The following ZFP90 variants were observed in gnomAD, a reference collection of about 807,000 sequenced individuals.
ZFP90 encodes zinc finger protein 90 homolog.
ZFP90 carries 38 observed loss-of-function variants against 60.8 expected under a neutral mutation model. That is an observed-to-expected ratio of 0.62 (90% CI 0.48 to 0.82). ZFP90 has a LOEUF of 0.82. Ranked by LOEUF, ZFP90 falls within the 40% of genes least tolerant of loss-of-function variation. The pLI is 0.00. For synonymous variants in ZFP90, 287 were observed against 264.8 expected (o/e 1.08, Z -0.82); for missense variants, 711 against 759.1 (o/e 0.94, Z 0.74).
intron 3 of ZFP90, 167 bp from the exon 4 acceptor site, chr16:68,558,306 A>AT: frequency 8.5e-7 from 1 of 1,170,706 alleles, no homozygotes; most frequent in Non-Finnish European, 1.2e-6. Flanking sequence ...AAAGGTCTTT[A>AT]TTTTGCAAAA....
chr16:68,543,187 G>T (rs1038958304), intron 2 of ZFP90, among the ~76,000 whole-genome samples: 1 of 151,942 alleles, frequency 6.6e-6, no homozygotes, highest in Non-Finnish European at 1.5e-5. Context: ...CAGCCTAGCG[G>T]CAAGATGTAT....
chr16:68,568,063 A>G (rs2091547774), downstream of ZFP90, among the ~76,000 whole-genome samples: 1 of 152,164 alleles, frequency 6.6e-6, no homozygotes. Context: ...CTCCCTTTTA[A>G]AAATTTTCAT....
rs145816687 is a variant in ZFP90, at chr16:68,546,542, A to G, written c.33+6717A>G. On this transcript the variant is annotated intron_variant, in intron 2 of 4. Coordinates refer to ENST00000563169, the MANE Select transcript of ZFP90 (RefSeq NM_001305203.2). ...TTTGTTTTGTTTTTTATTAAGACGG[A>G]TTCTTGCTCTGTCACCCAGGCTGGA... Among the ~76,000 whole-genome samples the G allele has an allele frequency of 9.8e-5, 15 of 152,290 alleles. No homozygotes were observed. In the East Asian group the frequency reaches 2.9e-3, roughly 29 times the overall value.
downstream of ZFP90, among the ~76,000 whole-genome samples, chr16:68,571,087 C>T (rs990225206): frequency 6.6e-6 from 1 of 152,180 alleles, no homozygotes; most frequent in Admixed American, 6.5e-5. Context: ...CCATCAGAAC[C>T]AGGGCTTGTA....
rs140288957 is a variant in ZFP90 at position 68,565,951 on chromosome 16, C to T, written c.*1253C>T. ...ACCAGCCTGGACAACATGGTGAAACCCCATCTCTTTAAAAAAAAAAAAAAA... is the reference window on the plus strand; with the variant it reads ...ACCAGCCTGGACAACATGGTGAAACTCCATCTCTTTAAAAAAAAAAAAAAA... On this transcript the variant is annotated 3_prime_UTR_variant, in exon 5 of 5. Transcript: ENST00000563169. 199 of 788,854 alleles carry T rather than the reference C, an allele frequency of 2.5e-4. No homozygotes were observed. The African/African-American group carries it at 3.6e-3, about 14-fold the overall frequency. The allele number at this position is 788,854 out of a possible 1,614,324, so 48.9% of individuals were successfully genotyped here.
downstream of ZFP90, among the ~76,000 whole-genome samples, chr16:68,567,927 G>A (rs2091546917): frequency 6.6e-6 from 1 of 152,162 alleles, no homozygotes; most frequent in Admixed American, 6.5e-5. Context: ...TCACTTTGCA[G>A]TATTCTGACT....
downstream of ZFP90, among the ~76,000 whole-genome samples, chr16:68,570,658 C>G (rs79503562): frequency 2.6e-5 from 4 of 152,332 alleles, no homozygotes; most frequent in East Asian, 7.7e-4. Context: ...GCACTGTCTG[C>G]TGGTTCCCAC....
At chr16:68,556,977 A>G (rs909596933) in intron 2 of ZFP90, among the ~76,000 whole-genome samples, 8 of 152,164 alleles carry the variant, frequency 5.3e-5, no homozygotes, top group African/African-American at 1.9e-4. Flanking sequence ...CTGGTGAGCC[A>G]TGAGGGAATT....
chr16:68,543,758 A>G (rs983824814), intron 2 of ZFP90, among the ~76,000 whole-genome samples: 1 of 150,622 alleles, frequency 6.6e-6, no homozygotes, highest in Non-Finnish European at 1.5e-5. Context: ...ACAGGGTTTC[A>G]CCATGTTGAC....
chr16:68,539,941 C>A, intron 2 of ZFP90, 116 bp downstream of exon 2: 1 of 1,396,930 alleles, frequency 7.2e-7, no homozygotes. Flanking sequence ...TTGCTTGGCT[C>A]GATCGGAGCC....
intron 2 of ZFP90, among the ~76,000 whole-genome samples, chr16:68,542,604 C>T (rs111579298): frequency 0.026 from 3,927 of 151,824 alleles, 72 homozygotes; most frequent in Non-Finnish European, 0.038. Flanking sequence ...AAAACCAACC[C>T]CAAAAAACAA....
chr16:68,565,562 T>C lies in ZFP90; in HGVS notation c.*864T>C, dbSNP rs753003803. 2.7e-5 allele frequency: 27 copies of C among 985,478 alleles called. No individual in the cohort carries two copies. The highest frequency in any genetic ancestry group is 3.3e-5 in the Non-Finnish European group (27 of 829,944). The allele number at this position is 985,478 out of a possible 1,614,324, so 61.0% of individuals were successfully genotyped here. ...TTTTTTCCCCTTTTCCCAGTTACAA[T>C]TATACTTTCAGCTAACATATGCCAG... On this transcript the variant is annotated 3_prime_UTR_variant, in exon 5 of 5. Coordinates refer to ENST00000563169, the MANE Select transcript of ZFP90 (RefSeq NM_001305203.2).
At position 68,540,812 on chromosome 16, in the gene ZFP90, A is replaced by G. The variant is rs57462677; in HGVS notation, c.33+987A>G. On this transcript the variant is annotated intron_variant, in intron 2 of 4. Transcript: ENST00000563169. ...CATAGTGAGACTCCGTCTCTGCAAAAAAAAAAAAAAAAAAAAAATTTAAAA... is the reference window on the plus strand; with the variant it reads ...CATAGTGAGACTCCGTCTCTGCAAAGAAAAAAAAAAAAAAAAAATTTAAAA... Among the ~76,000 whole-genome samples the G allele has an allele frequency of 9.8e-3, 476 of 48,668 alleles. 9 individuals carry two copies. The highest frequency in any genetic ancestry group is 0.043 in the East Asian group (31 of 724). The allele number at this position is 48,668 out of a possible 152,430, so 31.9% of individuals were successfully genotyped here.
At chr16:68,538,158 A>G (rs2090976610), upstream of ZFP90, among the ~76,000 whole-genome samples, 2 of 151,672 alleles carry the variant, frequency 1.3e-5, no homozygotes, top group Non-Finnish European at 2.9e-5. Flanking sequence ...GTGATCCGCC[A>G]GCCTCAGCCT....
At chr16:68,549,952 A>G (rs1313929502) in intron 2 of ZFP90, among the ~76,000 whole-genome samples, 3 of 152,196 alleles carry the variant, frequency 2.0e-5, no homozygotes, top group Non-Finnish European at 4.4e-5. Flanking sequence ...CAAAGAGTCC[A>G]TGTGGCAGAA....
chr16:68,542,031 T>C (rs2091059183), intron 2 of ZFP90, among the ~76,000 whole-genome samples: 3 of 152,314 alleles, frequency 2.0e-5, no homozygotes, highest in Admixed American at 2.0e-4. Context: ...ACACTGGTCC[T>C]AAACGGGGCT....
chr16:68,576,488 T>C (rs999914527), downstream of ZFP90, among the ~76,000 whole-genome samples: 2 of 152,150 alleles, frequency 1.3e-5, no homozygotes, highest in African/African-American at 2.4e-5. Flanking sequence ...GGCTCACGCC[T>C]GTAATCCCAG....
rs34492203 is a variant in ZFP90, at chr16:68,543,863, C to CT, written c.33+4054dup. On this transcript the variant is annotated intron_variant, in intron 2 of 4. Transcript: ENST00000563169. ...CGTGAGCCACTGTGTCTGGCCTGCC[C>CT]TTTTTTTTTTTTTTTTCGAGGTAGA... 2.2e-3 allele frequency among the ~76,000 whole-genome samples: 286 copies of CT among 127,314 alleles called. 1 individual carries two copies. Among genetic ancestry groups the CT allele is most frequent in the African/African-American group, 4.6e-3 (153 of 33,470 alleles). 83.5% of individuals were successfully genotyped at this position (127,314 alleles called of 152,430 possible).
At chr16:68,570,677 C>G (rs2091563015), downstream of ZFP90, among the ~76,000 whole-genome samples, 1 of 152,246 alleles carries the variant, frequency 6.6e-6, no homozygotes, top group Admixed American at 6.5e-5. Flanking sequence ...ACCATTTCTT[C>G]TCTTTATCCT....
Sources: gnomAD v4.1 joint callset for allele counts (sites outside exome capture counted in the v4.1 genomes callset) on GRCh38, gnomAD v4.1.1 for gene constraint, MANE v1.5 for transcripts, NCBI Gene and HGNC (gene_info 2026-07-23, HGNC 2026-07-21) for gene names.